TRIM37: variants seen among roughly 807,000 people sequenced by gnomAD.
TRIM37 encodes tripartite motif containing 37, also known as E3 ubiquitin-protein ligase TRIM37.
TRIM37 carries 80 observed loss-of-function variants against 129.8 expected under a neutral mutation model. That is an observed-to-expected ratio of 0.62 (90% CI 0.51 to 0.74). The LOEUF (loss-of-function observed/expected upper bound fraction) is 0.74. Ranked by LOEUF, TRIM37 falls within the 30% of genes least tolerant of loss-of-function variation. The probability of loss-of-function intolerance (pLI) is 0.00; values close to 1 mark genes in which losing one functional copy is unlikely to be tolerated. For missense variants in TRIM37, 1,054 were observed against 1,176.5 expected (o/e 0.90, Z 1.52); for synonymous variants, 389 against 387.1 (o/e 1.00, Z -0.06).
chr17:59,004,120 G>C (rs1202932491), intron 22 of TRIM37, among the ~76,000 whole-genome samples: 1 of 151,666 alleles, frequency 6.6e-6, no homozygotes, highest in African/African-American at 2.4e-5. Context: ...GACAGAGGAA[G>C]GAAGGAAGAA....
At chr17:59,067,319 C>G (rs1306090831) in intron 9 of TRIM37, among the ~76,000 whole-genome samples, 1 of 152,116 alleles carries the variant, frequency 6.6e-6, no homozygotes, top group Non-Finnish European at 1.5e-5. Context: ...GAAGTGTAGA[C>G]TGCTCTGGTT....
chr17:58,973,610 C>T, the TRIM37 span, among the ~76,000 whole-genome samples: 1 of 151,080 alleles, frequency 6.6e-6, no homozygotes, highest in Non-Finnish European at 1.5e-5. Context: ...GAGTTAAAGA[C>T]CAGCCTGGGC....
chr17:59,013,108 T>C (rs1447411960), intron 21 of TRIM37, among the ~76,000 whole-genome samples: 1 of 152,168 alleles, frequency 6.6e-6, no homozygotes, highest in Non-Finnish European at 1.5e-5. Flanking sequence ...AAGTTTTAAA[T>C]AATATGTTCT....
At chr17:58,990,406 G>C (rs912771881) in intron 24 of TRIM37, among the ~76,000 whole-genome samples, 7 of 151,166 alleles carry the variant, frequency 4.6e-5, no homozygotes, top group Non-Finnish European at 1.0e-4. Context: ...CACAAGAATC[G>C]TGTGAACCTT....
Position 59,079,875 on chromosome 17 carries a change from T to C in TRIM37, c.495A>G (p.Glu165=). The C allele has an allele frequency of 6.2e-7, 1 of 1,613,844 alleles. No individual in the cohort carries two copies. The highest frequency in any genetic ancestry group is 8.5e-7 in the Non-Finnish European group (1 of 1,179,826). ...CATTTCTTACAGCTTCTACATTCCT[T>C]TCCTAGAAGATAAAGAGGTAAGAAT... The part of the protein sequence containing the change: ...MELISLVQEV[E]RNVEAVRNAK... Residue 165 remains glutamate, a splice_region_variant and synonymous_variant, in exon 7 of 24, where the codon GAA becomes GAG. Coordinates refer to ENST00000262294, the MANE Select transcript of TRIM37 (RefSeq NM_015294.6).
chr17:59,029,207 C>T (rs1227632967), intron 18 of TRIM37, among the ~76,000 whole-genome samples: 1 of 151,938 alleles, frequency 6.6e-6, no homozygotes, highest in Non-Finnish European at 1.5e-5. Context: ...GTGAGAGAAT[C>T]GCTTGAGGCC....
At chr17:59,047,600 C>A (rs1444800786) in intron 16 of TRIM37, 83 bp downstream of exon 16, 14 of 1,375,936 alleles carry the variant, frequency 1.0e-5, no homozygotes, top group Non-Finnish European at 1.3e-5. Context: ...TGCTGAATAT[C>A]CCTACATTTA....
chr17:58,967,986 T>A, the TRIM37 span, among the ~76,000 whole-genome samples: 1 of 152,042 alleles, frequency 6.6e-6, no homozygotes, highest in South Asian at 2.1e-4. Flanking sequence ...GTATTTTTAG[T>A]AGAGACAGGG....
chr17:58,974,441 G>A, the TRIM37 span, among the ~76,000 whole-genome samples: 16 of 152,158 alleles, frequency 1.1e-4, no homozygotes, highest in Admixed American at 8.5e-4. Flanking sequence ...AATGAAACTC[G>A]GTCTAAAACG....
chr17:59,093,626 A>G (rs1285594506), intron 2 of TRIM37, among the ~76,000 whole-genome samples: 3 of 152,172 alleles, frequency 2.0e-5, no homozygotes, highest in Non-Finnish European at 4.4e-5. Flanking sequence ...CTAGACTATA[A>G]AACTTATAAA....
At chr17:59,038,684 G>A (rs2145816842) in intron 17 of TRIM37, among the ~76,000 whole-genome samples, 1 of 152,262 alleles carries the variant, frequency 6.6e-6, no homozygotes, top group Non-Finnish European at 1.5e-5. Flanking sequence ...CAGTTTAAGA[G>A]AGGAAAGAAT....
At chr17:59,068,973 C>T (rs1291690207) in intron 9 of TRIM37, among the ~76,000 whole-genome samples, 6 of 152,064 alleles carry the variant, frequency 3.9e-5, no homozygotes. Context: ...AAAGCTCACC[C>T]CACCCCACAA....
At chr17:58,980,231 G>C (rs1490274134), downstream of TRIM37, 1 of 1,614,076 alleles carries the variant, frequency 6.2e-7, no homozygotes, top group Non-Finnish European at 8.5e-7. The surrounding 1 kb of genome is among the most constrained non-coding windows in gnomAD (Gnocchi z 4.7). Context: ...ATTCCTGAGG[G>C]ACATGAACAA....
Position 58,998,548 on chromosome 17 carries a change from A to C in TRIM37, c.*829T>G. On this transcript the variant is annotated 3_prime_UTR_variant, in exon 24 of 24. Coordinates refer to ENST00000262294, the MANE Select transcript of TRIM37 (RefSeq NM_015294.6). ...GTAAGCCACTGTGCAACATGAATGA[A>C]TCTTTAAATGTGTTGACACTGAAAT... The C allele has an allele frequency of 1.0e-6, 1 of 985,442 alleles. No individual in the cohort carries two copies. The highest frequency in any genetic ancestry group is 1.2e-6 in the Non-Finnish European group (1 of 829,916). 61.0% of individuals were successfully genotyped at this position (985,442 alleles called of 1,614,324 possible).
chr17:59,007,062 T>C (rs1163584253), intron 22 of TRIM37, among the ~76,000 whole-genome samples: 1 of 151,864 alleles, frequency 6.6e-6, no homozygotes, highest in Non-Finnish European at 1.5e-5. Flanking sequence ...CTCTGATGTC[T>C]AGAACTGCAG....
chr17:58,986,004 T>C (rs771121590), intron 24 of TRIM37, among the ~76,000 whole-genome samples: 3 of 152,096 alleles, frequency 2.0e-5, no homozygotes, highest in African/African-American at 4.8e-5. Context: ...ATTACTTAGA[T>C]CAAAAGGAAC....
chr17:59,001,622 C>A lies in TRIM37; in HGVS notation c.2788G>T (p.Val930Phe). Residue 930 changes from valine (V) to phenylalanine (F), a missense_variant, in exon 23 of 24, where the codon GTC (valine) becomes TTC (phenylalanine). Around this residue, in one of 3 missense-constraint regions of TRIM37, gnomAD observed 287 missense variants for 274.3 expected, o/e 1.05. Transcript: ENST00000262294. ...CCTTCATCCGGGGGCTGTGTCATGACCATGAAGGAGTCGTGAAACCCGCCC... is the reference window on the plus strand; with the variant it reads ...CCTTCATCCGGGGGCTGTGTCATGAACATGAAGGAGTCGTGAAACCCGCCC... ...SVGGFHDSFM[V>F]MTQPPDEDTH... 6.2e-7 allele frequency: 1 copy of A among 1,614,030 alleles called. No individual in the cohort carries two copies. Among genetic ancestry groups the A allele is most frequent in the South Asian group, 1.1e-5 (1 of 91,080 alleles).
At chr17:59,022,415 A>G (rs1454064151) in intron 19 of TRIM37, among the ~76,000 whole-genome samples, 1 of 152,262 alleles carries the variant, frequency 6.6e-6, no homozygotes, top group Non-Finnish European at 1.5e-5. Context: ...AATTCTACAC[A>G]GCTTCAGTTT....
rs1277144150 is a variant in TRIM37, at chr17:59,051,249, T to C, written c.1279A>G (p.Thr427Ala). ...TTGTTTATTTGTTGGATATAACTAG[T>C]CTGTGCAGCTTCCAACTGAGTAATG... ...WYITQLEAAQ[T>A]SYIQQINNLK... The change falls in exon 14 of 24, where the codon ACT becomes GCT. Residue 427 changes from threonine to alanine, a missense_variant. By Grantham distance (58) the Thr-to-Ala change is moderately conservative. Transcript: ENST00000262294. The C allele has an allele frequency of 6.2e-7, 1 of 1,613,772 alleles. No homozygotes were observed. The highest frequency in any genetic ancestry group is 1.1e-5 in the South Asian group (1 of 91,080).
Sources: gnomAD v4.1 joint callset for allele counts (sites outside exome capture counted in the v4.1 genomes callset) on GRCh38, gnomAD v4.1.1 for gene constraint, gnomAD v4.1.1 regional missense constraint, Gnocchi (gnomAD v3.1) non-coding constraint, MANE v1.5 for transcripts, NCBI Gene and HGNC (gene_info 2026-07-23, HGNC 2026-07-21) for gene names.